CCDC186: variants seen among roughly 807,000 people sequenced by gnomAD.
The protein encoded by CCDC186 is coiled-coil domain containing 186.
Under a neutral mutation model 113.7 loss-of-function variants are expected in CCDC186, and 49 were observed. The ratio of observed to expected loss-of-function variants is 0.43; its 90% confidence interval spans 0.34 to 0.55. The LOEUF is 0.55. Among genes scored for constraint, CCDC186 ranks in the 20% least tolerant of loss-of-function variants. The pLI, the probability that CCDC186 is intolerant of heterozygous loss-of-function variation, is 0.02. For missense variants in CCDC186, 890 were observed against 1,011.1 expected (o/e 0.88, Z 1.62); for synonymous variants, 355 against 345.8 (o/e 1.03, Z -0.30).
At chr10:114,136,701 T>A (rs2031272193) in intron 7 of CCDC186, among the ~76,000 whole-genome samples, 1 of 152,252 alleles carries the variant, frequency 6.6e-6, no homozygotes, top group African/African-American at 2.4e-5. Context: ...AGTTCTCTTA[T>A]AAAATCCATT....
At chr10:114,131,053 G>T in intron 12 of CCDC186, 94 bp downstream of exon 12, 2 of 1,078,560 alleles carry the variant, frequency 1.9e-6, no homozygotes, top group East Asian at 2.9e-5. Context: ...AAAACATACA[G>T]CTTCAATCAA....
chr10:114,154,159 C>T (rs545013375), intron 3 of CCDC186, among the ~76,000 whole-genome samples: 6 of 147,382 alleles, frequency 4.1e-5, no homozygotes, highest in South Asian at 2.1e-4. Flanking sequence ...TGCAGTGAAC[C>T]GAGATCGCAA....
intron 7 of CCDC186, among the ~76,000 whole-genome samples, chr10:114,136,932 C>T (rs138852471): frequency 0.016 from 2,387 of 152,102 alleles, 26 homozygotes; most frequent in South Asian, 0.037. Flanking sequence ...GCCCAGCCAA[C>T]ATAGTGAAAC....
rs1456454310 is a variant in CCDC186 at position 114,121,566 on chromosome 10, T to A, written c.*3577A>T. On this transcript the variant is annotated 3_prime_UTR_variant, in exon 16 of 16. Transcript: ENST00000369287. ...GCCATCTTATGGTCTTTGGATTTTT[T>A]ATTTTTTCTTAAATAATGAAAATCA... 1 of 152,244 alleles carries A rather than the reference T, an allele frequency of 6.6e-6. No homozygotes were observed. The highest frequency in any genetic ancestry group is 1.5e-5 in the Non-Finnish European group (1 of 68,044). 9.4% of individuals were successfully genotyped at this position (152,244 alleles called of 1,614,324 possible). A position where few individuals can be genotyped will look rare whatever the true frequency, so the allele number is the denominator to read the frequency against.
intron 1 of CCDC186, among the ~76,000 whole-genome samples, chr10:114,169,234 CTTTTTTTTTTTTT>C (rs34677282): frequency 3.1e-5 from 3 of 97,502 alleles, no homozygotes; most frequent in Non-Finnish European, 4.1e-5. Context: ...TAGTACCATT[CTTTTTTTTTTTTT>C]TTTTTTTTTT....
intron 4 of CCDC186, among the ~76,000 whole-genome samples, chr10:114,146,228 C>T (rs1180070591): frequency 3.3e-5 from 5 of 152,214 alleles, no homozygotes; most frequent in African/African-American, 1.2e-4. Flanking sequence ...ATGGCCACTC[C>T]CCTTGTCAGG....
chr10:114,171,323 G>C (rs1307414475), intron 1 of CCDC186, among the ~76,000 whole-genome samples: 1 of 151,922 alleles, frequency 6.6e-6, no homozygotes, highest in Admixed American at 6.6e-5. Context: ...ATCAAATGAG[G>C]CCAGGAATTA....
At chr10:114,134,818 A>T (rs1052480083) in intron 10 of CCDC186, 95 bp downstream of exon 10, 40 of 1,403,856 alleles carry the variant, frequency 2.8e-5, no homozygotes, top group Admixed American at 5.0e-5. Context: ...AAATTGTAAA[A>T]TTTTTTGTTT....
At chr10:114,141,124 A>G (rs1405454199) in intron 6 of CCDC186, among the ~76,000 whole-genome samples, 3 of 151,666 alleles carry the variant, frequency 2.0e-5, no homozygotes, top group Non-Finnish European at 4.4e-5. Flanking sequence ...CAAACTCCTG[A>G]CCTCAAGCAA....
chr10:114,144,653 T>C (rs754077942), intron 5 of CCDC186, 37 bp from the exon 6 acceptor site: 31 of 1,531,076 alleles, frequency 2.0e-5, no homozygotes, highest in Non-Finnish European at 2.7e-5. Flanking sequence ...TTTTCATTTA[T>C]AGAATCAATT....
intron 14 of CCDC186, among the ~76,000 whole-genome samples, chr10:114,126,860 TG>T (rs1397997129): frequency 1.3e-5 from 2 of 152,222 alleles, no homozygotes; most frequent in African/African-American, 2.4e-5. Flanking sequence ...AAACAGAATT[TG>T]TGAGAGGAAT....
At chr10:114,162,279 A>G (rs2032190190) in intron 2 of CCDC186, 1 of 161,506 alleles carries the variant, frequency 6.2e-6, no homozygotes, top group South Asian at 1.9e-4. Flanking sequence ...ATGAATTTAG[A>G]ATGCAGATTT....
rs74519947 is a variant in CCDC186 at position 114,130,064 on chromosome 10, T to C, written c.2102-93A>G. ...ATTGCTAAAATCACTGAGGCAAAAA[T>C]GGCATAGACAAGAGAAAGTTCTTGA... On this transcript the variant is annotated intron_variant, in intron 12 of 15. Coordinates refer to ENST00000369287, the MANE Select transcript of CCDC186 (RefSeq NM_018017.4). 15 of 1,104,362 alleles carry C rather than the reference T, an allele frequency of 1.4e-5. No homozygotes were observed. In the East Asian group the frequency reaches 3.7e-4, roughly 27 times the overall value. 68.4% of individuals were successfully genotyped at this position (1,104,362 alleles called of 1,614,324 possible).
In CCDC186 at chr10:114,167,798, G is replaced by GT. The variant is rs1405982817; in HGVS notation, c.-61-4470dup. 6.8e-4 allele frequency among the ~76,000 whole-genome samples: 45 copies of GT among 66,404 alleles called. 1 individual carries two copies. The highest frequency in any genetic ancestry group is 6.2e-4 in the Non-Finnish European group (23 of 37,176). The allele number at this position is 66,404 out of a possible 152,430, so 43.6% of individuals were successfully genotyped here. Reference sequence around the variant, plus strand: ...GGCAACATAACAAGACCTAATCTCCGTAAAAAAAAAAAAAAAAAAAAAAAA... The same window carrying GT: ...GGCAACATAACAAGACCTAATCTCCGTTAAAAAAAAAAAAAAAAAAAAAAAA... On this transcript the variant is annotated intron_variant, in intron 1 of 15. Coordinates refer to ENST00000369287, the MANE Select transcript of CCDC186 (RefSeq NM_018017.4).
intron 4 of CCDC186, among the ~76,000 whole-genome samples, chr10:114,146,542 T>C (rs1156892263): frequency 6.6e-6 from 1 of 152,206 alleles, no homozygotes; most frequent in African/African-American, 2.4e-5. Flanking sequence ...TTACACTTAA[T>C]AAGAAATACC....
intron 5 of CCDC186, among the ~76,000 whole-genome samples, chr10:114,145,155 T>C (rs1332968436): frequency 1.3e-5 from 2 of 152,256 alleles, no homozygotes; most frequent in African/African-American, 4.8e-5. Context: ...TGATGTGTTA[T>C]ATTAAGATTA....
chr10:114,139,329 G>C (rs998195781), intron 6 of CCDC186, among the ~76,000 whole-genome samples: 1 of 151,670 alleles, frequency 6.6e-6, no homozygotes. Flanking sequence ...TTGGGAGGCC[G>C]AGGCAGATGG....
At chr10:114,173,603 C>G (rs1239255610) in intron 1 of CCDC186, among the ~76,000 whole-genome samples, 1 of 152,224 alleles carries the variant, frequency 6.6e-6, no homozygotes, top group Non-Finnish European at 1.5e-5. Context: ...AAAACACCCA[C>G]ATACAGTCAA....
intron 1 of CCDC186, among the ~76,000 whole-genome samples, chr10:114,167,855 A>T (rs2032382558): frequency 6.6e-6 from 1 of 150,748 alleles, no homozygotes; most frequent in Non-Finnish European, 1.5e-5. Flanking sequence ...GCATGGTGGC[A>T]TGCACCTGTA....
Sources: gnomAD v4.1 joint callset for allele counts (sites outside exome capture counted in the v4.1 genomes callset) on GRCh38, gnomAD v4.1.1 for gene constraint, MANE v1.5 for transcripts, NCBI Gene and HGNC (gene_info 2026-07-23, HGNC 2026-07-21) for gene names.